The following SLCO1B3 variants were observed in gnomAD, a reference collection of about 807,000 sequenced individuals.
SLCO1B3 encodes liver-specific organic anion transporter 2.
In SLCO1B3, 72 loss-of-function variants were observed where a neutral mutation model predicts 71.8. The observed-to-expected ratio is 1.00, with a 90% CI of 0.83 to 1.22. The LOEUF is 1.22. Ranked by LOEUF, SLCO1B3 falls within the 50% of genes most tolerant of loss-of-function variation. SLCO1B3 has a pLI of 0.00. For synonymous variants in SLCO1B3, 298 were observed against 278.4 expected, an observed-to-expected ratio of 1.07 and a Z score of -0.70; for missense variants, 911 against 819.7, an observed-to-expected ratio of 1.11 and a Z score of -1.36.
intron 10 of SLCO1B3, 132 bp from the exon 11 acceptor site, chr12:20,879,304 G>A: frequency 1.9e-6 from 1 of 531,844 alleles, no homozygotes; most frequent in Non-Finnish European, 3.1e-6. Context: ...CGCCTCCCAG[G>A]TTCTCCACCC....
intron 3 of SLCO1B3, among the ~76,000 whole-genome samples, chr12:20,825,135 C>T (rs554509235): frequency 6.6e-6 from 1 of 152,152 alleles, no homozygotes; most frequent in African/African-American, 2.4e-5. Flanking sequence ...CTTTAAATAA[C>T]CTTTTAATGT....
Position 20,883,589 on chromosome 12 carries a change from T to G in SLCO1B3, c.1669T>G (p.Leu557Val). The change falls in exon 13 of 16, where the codon TTG becomes GTG. Residue 557 changes from leucine to valine, a missense_variant. Physicochemically the swap from Leu to Val is conservative, Grantham distance 32. Transcript: ENST00000381545. ...FSATGGTTFI[L>V]LTVKIVQPEL... ...TGCAACAGGAGGTACCACATTTATC[T>G]TGTTGACTGTGAAGTAAGTATGATC... 6.3e-7 allele frequency: 1 copy of G among 1,587,750 alleles called. No individual in the cohort carries two copies. Among genetic ancestry groups the G allele is most frequent in the Non-Finnish European group, 8.6e-7 (1 of 1,169,528 alleles).
chr12:20,836,684 C>T (rs989828823), intron 3 of SLCO1B3, among the ~76,000 whole-genome samples: 1 of 152,058 alleles, frequency 6.6e-6, no homozygotes, highest in African/African-American at 2.4e-5. Context: ...CTCTGTTATC[C>T]AGGCTGGAGT....
intron 2 of SLCO1B3, among the ~76,000 whole-genome samples, chr12:20,815,230 A>G (rs1864172595): frequency 6.6e-6 from 1 of 152,072 alleles, no homozygotes; most frequent in Non-Finnish European, 1.5e-5. Context: ...TATTATTTAC[A>G]TTATTTTTCA....
chr12:20,828,651 ACACACACACACACACT>A (rs1864478094), intron 3 of SLCO1B3, among the ~76,000 whole-genome samples: 1 of 152,000 alleles, frequency 6.6e-6, no homozygotes, highest in South Asian at 2.1e-4. Context: ...ACACATACAC[ACACACACACACACACT>A]CACACACACA....
intron 3 of SLCO1B3, among the ~76,000 whole-genome samples, chr12:20,828,530 A>G (rs1864474466): frequency 6.6e-6 from 1 of 152,064 alleles, no homozygotes; most frequent in Admixed American, 6.6e-5. Context: ...GTAGAAGTAA[A>G]TGAATGAAAC....
At chr12:20,857,505 G>A (rs1865165874) in intron 4 of SLCO1B3, among the ~76,000 whole-genome samples, 1 of 151,294 alleles carries the variant, frequency 6.6e-6, no homozygotes, top group African/African-American at 2.4e-5. Context: ...TTTATATCAA[G>A]TTCTAATTTG....
At chr12:20,881,244 TA>T (rs1865688871) in intron 12 of SLCO1B3, among the ~76,000 whole-genome samples, 1 of 152,134 alleles carries the variant, frequency 6.6e-6, no homozygotes, top group Non-Finnish European at 1.5e-5. Flanking sequence ...GAATTCTAAT[TA>T]GAGATTACCC....
chr12:20,833,764 A>G (rs994059140), intron 3 of SLCO1B3, among the ~76,000 whole-genome samples: 14 of 147,860 alleles, frequency 9.5e-5, no homozygotes, highest in African/African-American at 3.4e-4. Flanking sequence ...TATTACATAT[A>G]TGTAGTTTAT....
intron 3 of SLCO1B3, among the ~76,000 whole-genome samples, chr12:20,828,823 G>A (rs1035525943): frequency 6.6e-6 from 1 of 152,142 alleles, no homozygotes. Context: ...ATTGGATTTA[G>A]GAACCAAACC....
intron 3 of SLCO1B3, among the ~76,000 whole-genome samples, chr12:20,820,946 C>G (rs1028795667): frequency 2.0e-5 from 3 of 151,944 alleles, no homozygotes; most frequent in African/African-American, 7.3e-5. Flanking sequence ...AGTCATGGAA[C>G]AAAACTGTAA....
At chr12:20,892,544 A>C (rs989499670) in intron 13 of SLCO1B3, among the ~76,000 whole-genome samples, 29 of 152,152 alleles carry the variant, frequency 1.9e-4, no homozygotes, top group African/African-American at 7.0e-4. Context: ...TAACCAGGAC[A>C]CAGAGTTTTT....
chr12:20,862,862 C>A lies in SLCO1B3; in HGVS notation c.727+8C>A, dbSNP rs771650582. 1.4e-6 allele frequency: 2 copies of A among 1,444,712 alleles called. No individual in the cohort carries two copies. Among genetic ancestry groups the A allele is most frequent in the Non-Finnish European group, 1.9e-6 (2 of 1,028,068 alleles). The allele number at this position is 1,444,712 out of a possible 1,614,324, so 89.5% of individuals were successfully genotyped here. A position where few individuals can be genotyped will look rare whatever the true frequency, so the allele number is the denominator to read the frequency against. ...TTGGATATGTAGATCTGAGTAAGTA[C>A]AATTAGAACAAGGTACCATGATAGT... On this transcript the variant is annotated splice_region_variant and intron_variant, in intron 8 of 15. Coordinates refer to ENST00000381545, the MANE Select transcript of SLCO1B3 (RefSeq NM_019844.4).
intron 2 of SLCO1B3, among the ~76,000 whole-genome samples, chr12:20,815,061 A>G (rs1006036868): frequency 6.6e-6 from 1 of 151,108 alleles, no homozygotes; most frequent in Non-Finnish European, 1.5e-5. Context: ...TAAATACAGT[A>G]AGATCATGAT....
intron 5 of SLCO1B3, chr12:20,858,857 C>A: frequency 5.6e-6 from 1 of 179,120 alleles, no homozygotes; most frequent in Non-Finnish European, 1.2e-5. Context: ...TTTAGTATAA[C>A]ATATGTATTT....
chr12:20,864,715 G>T (rs1232005365), intron 8 of SLCO1B3, among the ~76,000 whole-genome samples: 1 of 152,070 alleles, frequency 6.6e-6, no homozygotes, highest in Non-Finnish European at 1.5e-5. Context: ...TAGAATTCAT[G>T]GTGATTCAAC....
chr12:20,840,928 G>A (rs1182174868), intron 3 of SLCO1B3, among the ~76,000 whole-genome samples: 4 of 152,142 alleles, frequency 2.6e-5, no homozygotes, highest in African/African-American at 9.7e-5. Context: ...CTGCTAGAAT[G>A]AGAAGATTTT....
At chr12:20,885,285 A>G (rs879354659) in intron 13 of SLCO1B3, among the ~76,000 whole-genome samples, 4 of 152,148 alleles carry the variant, frequency 2.6e-5, no homozygotes, top group Non-Finnish European at 5.9e-5. Flanking sequence ...TCATAAGGCT[A>G]TTGCTAAAAC....
intron 3 of SLCO1B3, among the ~76,000 whole-genome samples, chr12:20,819,087 C>T (rs908964416): frequency 7.9e-5 from 12 of 152,220 alleles, no homozygotes; most frequent in African/African-American, 1.7e-4. Context: ...ACTAAAGCAG[C>T]GGCAGCCGCT....
Sources: allele counts gnomAD v4.1 joint callset (sites outside exome capture counted in the v4.1 genomes callset), GRCh38; gene constraint gnomAD v4.1.1; transcripts MANE v1.5; gene names NCBI Gene and HGNC (gene_info 2026-07-23, HGNC 2026-07-21).